UVRAG: variants seen among roughly 807,000 people sequenced by gnomAD.
The protein encoded by UVRAG is UV radiation resistance associated.
A neutral mutation model predicts 78.0 loss-of-function variants in UVRAG; 19 were observed. The observed-to-expected ratio is 0.24, with a 90% CI of 0.17 to 0.36. UVRAG has a LOEUF of 0.36. UVRAG is among the 10% of genes least tolerant of loss of function. The pLI is 1.00. For missense variants in UVRAG, 740 were observed against 853.8 expected, an observed-to-expected ratio of 0.87 and a Z score of 1.66; for synonymous variants, 323 against 324.6, an observed-to-expected ratio of 1.00 and a Z score of 0.05.
chr11:75,828,733 A>G (rs182178864), intron 1 of UVRAG, among the ~76,000 whole-genome samples: 7,036 of 102,332 alleles, frequency 0.069, 607 homozygotes, highest in African/African-American at 0.28. Context: ...GTGTGTGTGT[A>G]TATATATATA....
At chr11:75,902,461 G>C (rs1160073401) in intron 5 of UVRAG, among the ~76,000 whole-genome samples, 5 of 152,090 alleles carry the variant, frequency 3.3e-5, no homozygotes, top group African/African-American at 9.7e-5. Context: ...GCTTGCCCTG[G>C]GGGTTGGGAA....
intron 1 of UVRAG, among the ~76,000 whole-genome samples, chr11:75,843,788 G>A (rs944016545): frequency 4.6e-5 from 7 of 151,894 alleles, no homozygotes; most frequent in Admixed American, 1.3e-4. Context: ...GCAAAACCCC[G>A]TCTATACAAA....
At position 76,085,447 on chromosome 11, in the gene UVRAG, A is replaced by G. The variant is rs527255406; in HGVS notation, c.1305+19659A>G. On this transcript the variant is annotated intron_variant, in intron 13 of 14. Coordinates refer to ENST00000356136, the MANE Select transcript of UVRAG (RefSeq NM_003369.4). ...GAGCTTGTTGTCAGTCTGCAGTAAG[A>G]TAAGGAAATTGTACCAAATGTGAAT... 5.9e-5 allele frequency among the ~76,000 whole-genome samples: 9 copies of G among 152,316 alleles called. No homozygotes were observed. In the South Asian group the frequency reaches 1.9e-3, roughly 32 times the overall value.
intron 1 of UVRAG, among the ~76,000 whole-genome samples, chr11:75,828,224 G>A (rs1029422601): frequency 2.6e-5 from 4 of 152,114 alleles, no homozygotes; most frequent in African/African-American, 7.2e-5. Context: ...TACATGGAGT[G>A]TGTTTAATAT....
intron 9 of UVRAG, 62 bp from the exon 10 acceptor site, chr11:76,007,472 A>G (rs1949967533): frequency 7.7e-7 from 1 of 1,297,302 alleles, no homozygotes; most frequent in Admixed American, 1.8e-5. Context: ...GTGTGGAAAT[A>G]AATGTTACAA....
intron 2 of UVRAG, among the ~76,000 whole-genome samples, chr11:75,859,489 T>C (rs1011295938): frequency 6.6e-6 from 1 of 151,094 alleles, no homozygotes; most frequent in Non-Finnish European, 1.5e-5. Context: ...TTTTAGGTTT[T>C]GTTTTAAGCA....
In UVRAG at chr11:76,074,598, A is replaced by G. The variant is rs138111822; in HGVS notation, c.1305+8810A>G. Reference sequence around the variant, plus strand: ...TAGCTCATTTCATACTCTATGAAGTATGTTGACCAAGTCTGTCTTTAGAGA... The same window carrying G: ...TAGCTCATTTCATACTCTATGAAGTGTGTTGACCAAGTCTGTCTTTAGAGA... On this transcript the variant is annotated intron_variant, in intron 13 of 14. Coordinates refer to ENST00000356136, the MANE Select transcript of UVRAG (RefSeq NM_003369.4). Among the ~76,000 whole-genome samples the G allele has an allele frequency of 4.2e-3, 635 of 152,354 alleles. 4 individuals carry two copies. The highest frequency in any genetic ancestry group is 0.015 in the African/African-American group (612 of 41,582).
intron 6 of UVRAG, among the ~76,000 whole-genome samples, chr11:75,950,870 T>C (rs1000900971): frequency 1.3e-5 from 2 of 152,126 alleles, no homozygotes; most frequent in Admixed American, 1.3e-4. Flanking sequence ...TTTGTTCAAA[T>C]ATTTTGCCTA....
intron 13 of UVRAG, among the ~76,000 whole-genome samples, chr11:76,088,948 A>T (rs560074902): frequency 6.6e-6 from 1 of 152,340 alleles, no homozygotes; most frequent in African/African-American, 2.4e-5. Context: ...CCAGAGACTG[A>T]GGTTCATTCA....
In UVRAG at chr11:76,036,603, G is replaced by C. The variant is rs1220027124; in HGVS notation, c.1226+19623G>C. ...ATTCATTGTCATGAGTTTCAAATGT[G>C]GATGTGCATAAAAGAAGTTATGGGA... On this transcript the variant is annotated intron_variant, in intron 12 of 14. Coordinates refer to ENST00000356136, the MANE Select transcript of UVRAG (RefSeq NM_003369.4). Among the ~76,000 whole-genome samples the C allele has an allele frequency of 7.2e-5, 11 of 152,152 alleles. No individual in the cohort carries two copies. In the East Asian group the frequency reaches 1.7e-3, roughly 24 times the overall value.
chr11:76,012,793 ATGTTTGTGTGTGTGTGTGTGTG>A lies in UVRAG; in HGVS notation c.1060+3930_1060+3951del, dbSNP rs1174179306. The A allele has an allele frequency of 3.9e-5, 5 of 128,112 alleles. No homozygotes were observed. In the East Asian group the frequency reaches 1.2e-3, roughly 30 times the overall value. 7.9% of individuals were successfully genotyped at this position (128,112 alleles called of 1,614,324 possible). ...CCGAGACATTTAGCTTAAAAAAAAA[ATGTTTGTGTGTGTGTGTGTGTG>A]TGTGTGTGTGTGTGTGTGTGTGTGT... is the stretch of plus-strand genomic sequence containing the variant. On this transcript the variant is annotated intron_variant, in intron 11 of 14. Coordinates refer to ENST00000356136, the MANE Select transcript of UVRAG (RefSeq NM_003369.4).
chr11:76,086,795 TATATGGC>T (rs1233113426), intron 13 of UVRAG, among the ~76,000 whole-genome samples: 2 of 152,236 alleles, frequency 1.3e-5, no homozygotes, highest in Non-Finnish European at 2.9e-5. Flanking sequence ...AGACTGTGTA[TATATGGC>T]AACAGGCATT....
intron 3 of UVRAG, among the ~76,000 whole-genome samples, chr11:75,877,585 C>G (rs1177945638): frequency 4.2e-5 from 6 of 141,344 alleles, no homozygotes; most frequent in South Asian, 2.3e-4. Flanking sequence ...CCCTCCCGTA[C>G]GGGTCGGCTG....
At chr11:75,935,793 G>A (rs1165552801) in intron 6 of UVRAG, among the ~76,000 whole-genome samples, 1 of 152,006 alleles carries the variant, frequency 6.6e-6, no homozygotes, top group East Asian at 1.9e-4. Context: ...CTACAAATAC[G>A]AACATCCTTC....
intron 12 of UVRAG, among the ~76,000 whole-genome samples, chr11:76,047,332 GT>G (rs1950778699): frequency 6.6e-6 from 1 of 152,186 alleles, no homozygotes; most frequent in Non-Finnish European, 1.5e-5. Context: ...AAGGAGATGT[GT>G]TTAGGAAAGA....
At position 76,090,053 on chromosome 11, in the gene UVRAG, A is replaced by G. The variant is rs141364836; in HGVS notation, c.1305+24265A>G. ...CTTTCCCAAGGGCTAAATGGAAACC[A>G]GCCCTTTAGAAAGACTTCCTGCACC... On this transcript the variant is annotated intron_variant, in intron 13 of 14. Coordinates refer to ENST00000356136, the MANE Select transcript of UVRAG (RefSeq NM_003369.4). Among the ~76,000 whole-genome samples, 436 of 152,294 alleles carry G rather than the reference A, an allele frequency of 2.9e-3. 6 individuals are homozygous for G. The highest frequency in any genetic ancestry group is 0.01 in the African/African-American group (416 of 41,564).
intron 12 of UVRAG, among the ~76,000 whole-genome samples, chr11:76,063,776 T>C (rs926318980): frequency 2.0e-5 from 3 of 152,224 alleles, no homozygotes; most frequent in Admixed American, 1.3e-4. Context: ...CACATTCTTA[T>C]CTAAAGCTTC....
intron 2 of UVRAG, among the ~76,000 whole-genome samples, chr11:75,860,286 A>C (rs192368591): frequency 2.6e-5 from 4 of 152,254 alleles, no homozygotes; most frequent in African/African-American, 7.2e-5. Context: ...GATACCACTC[A>C]TCTTAGAGCT....
intron 13 of UVRAG, among the ~76,000 whole-genome samples, chr11:76,107,691 A>G (rs987143329): frequency 7.2e-5 from 11 of 152,182 alleles, no homozygotes; most frequent in African/African-American, 1.4e-4. Context: ...GTAAGAAACA[A>G]TATTATTGCT....
Sources: allele counts gnomAD v4.1 joint callset (sites outside exome capture counted in the v4.1 genomes callset), GRCh38; gene constraint gnomAD v4.1.1; transcripts MANE v1.5; gene names NCBI Gene and HGNC (gene_info 2026-07-23, HGNC 2026-07-21).